The following ERC1 variants were observed in gnomAD, a reference collection of about 807,000 sequenced individuals.
ERC1 encodes ELKS/RAB6-interacting/CAST family member 1.
Under a neutral mutation model 132.0 loss-of-function variants are expected in ERC1, and 56 were observed. The observed-to-expected ratio is 0.42, with a 90% CI of 0.34 to 0.53. ERC1 has a LOEUF of 0.53. ERC1 is among the 20% of genes least tolerant of loss of function. ERC1 has a pLI of 0.03. For missense variants in ERC1, 1,202 were observed against 1,349.9 expected (o/e 0.89, Z 1.72); for synonymous variants, 478 against 476.1 (o/e 1.00, Z -0.05).
At chr12:1,154,525 C>T (rs1951185956) in intron 8 of ERC1, among the ~76,000 whole-genome samples, 1 of 151,814 alleles carries the variant, frequency 6.6e-6, no homozygotes, top group Non-Finnish European at 1.5e-5. Flanking sequence ...TGACAAGGAT[C>T]TCAAAAGCAC....
intron 17 of ERC1, among the ~76,000 whole-genome samples, chr12:1,416,120 G>A (rs2092107653): frequency 6.6e-6 from 1 of 152,180 alleles, no homozygotes; most frequent in African/African-American, 2.4e-5. Flanking sequence ...CCATGGAAGG[G>A]TGTTGAATTG....
chr12:1,372,671 C>T (rs914411276), intron 16 of ERC1, among the ~76,000 whole-genome samples: 71 of 152,218 alleles, frequency 4.7e-4, no homozygotes, highest in African/African-American at 1.6e-3. Context: ...CCTGCTTGAA[C>T]GGCAGTGCTC....
intron 8 of ERC1, among the ~76,000 whole-genome samples, chr12:1,166,473 A>C (rs868629337): frequency 4.0e-4 from 61 of 152,332 alleles, no homozygotes; most frequent in Middle Eastern, 6.8e-3. Flanking sequence ...GAAAATGGAC[A>C]AATACAGAAG....
chr12:1,352,132 G>T (rs1479419916), intron 15 of ERC1, among the ~76,000 whole-genome samples: 1 of 152,068 alleles, frequency 6.6e-6, no homozygotes, highest in Non-Finnish European at 1.5e-5. Context: ...AGGACTCTTA[G>T]AGCTCACCAG....
At position 1,105,204 on chromosome 12, in the gene ERC1, C is replaced by T. The variant is rs145260858; in HGVS notation, c.1161+380C>T. Among the ~76,000 whole-genome samples, 89 of 152,152 alleles carry T rather than the reference C, an allele frequency of 5.8e-4. 1 individual carries two copies. In the East Asian group the frequency reaches 0.014, roughly 24 times the overall value. ...TTTCTTTCAAGTAAAAATAGTGTTC[C>T]GTGAAGAAAATACTGAATTCAGTTT... On this transcript the variant is annotated intron_variant, in intron 4 of 18. Transcript: ENST00000360905.
Position 1,189,937 on chromosome 12 carries a change from A to G in ERC1, c.2236A>G (p.Arg746Gly). 1.2e-6 allele frequency: 2 copies of G among 1,614,140 alleles called. No homozygotes were observed. Among genetic ancestry groups the G allele is most frequent in the African/African-American group, 1.3e-5 (1 of 75,070 alleles). The change falls in exon 12 of 19, where the codon AGG becomes GGG. Residue 746 changes from arginine (R) to glycine (G), a missense_variant. Physicochemically the swap from Arg to Gly is moderately radical, Grantham distance 125. Coordinates refer to ENST00000360905, the MANE Select transcript of ERC1 (RefSeq NM_178040.4). ...RIQHLEREITRYKDESSKAQA... is the reference protein window; with the variant it reads ...RIQHLEREITGYKDESSKAQA... ...ACAGCACTTGGAGAGAGAGATCACCAGGTACAAAGATGAATCTAGCAAGGC... is the reference window on the plus strand; with the variant it reads ...ACAGCACTTGGAGAGAGAGATCACCGGGTACAAAGATGAATCTAGCAAGGC...
chr12:1,333,675 C>G (rs996409683), intron 15 of ERC1, among the ~76,000 whole-genome samples: 5 of 152,198 alleles, frequency 3.3e-5, no homozygotes, highest in African/African-American at 7.2e-5. Flanking sequence ...TAGGTTGATT[C>G]TGTATCTTTG....
intron 18 of ERC1, among the ~76,000 whole-genome samples, chr12:1,447,899 C>T (rs2093343097): frequency 6.6e-6 from 1 of 152,200 alleles, no homozygotes; most frequent in African/African-American, 2.4e-5. Flanking sequence ...GACGGCCTGC[C>T]TTGGCCTCCC....
chr12:1,487,539 T>TAAAAAAA (rs77723832), intron 18 of ERC1, among the ~76,000 whole-genome samples: 1 of 130,846 alleles, frequency 7.6e-6, no homozygotes, highest in Non-Finnish European at 1.6e-5. Flanking sequence ...ACCGCACCTC[T>TAAAAAAA]AAAAAAGAAA....
intron 15 of ERC1, among the ~76,000 whole-genome samples, chr12:1,338,525 T>A (rs543113076): frequency 1.3e-5 from 2 of 152,306 alleles, no homozygotes; most frequent in South Asian, 4.1e-4. Flanking sequence ...TATTCTGCCT[T>A]CTGTTTCTGT....
At chr12:1,041,091 A>C (rs1037850125) in intron 2 of ERC1, among the ~76,000 whole-genome samples, 3 of 152,190 alleles carry the variant, frequency 2.0e-5, no homozygotes, top group African/African-American at 4.8e-5. Flanking sequence ...AATATTTGTC[A>C]TATTAGATAC....
chr12:1,151,830 C>A (rs1412832810), intron 8 of ERC1: 1 of 152,228 alleles, frequency 6.6e-6, no homozygotes, highest in Non-Finnish European at 1.5e-5. Flanking sequence ...GCAAAAAAGA[C>A]AACTTTCTGA....
intron 18 of ERC1, among the ~76,000 whole-genome samples, chr12:1,482,727 G>A (rs944947519): frequency 3.9e-5 from 6 of 152,064 alleles, no homozygotes; most frequent in Admixed American, 1.3e-4. Context: ...GATTACAGGC[G>A]TGAGCCACTG....
chr12:1,236,869 G>A lies in ERC1; in HGVS notation c.2452G>A (p.Glu818Lys). The change falls in exon 13 of 19, where the codon GAG (glutamate) becomes AAG (lysine). Residue 818 changes from glutamate (E) to lysine (K), a missense_variant. By Grantham distance (56) the Glu-to-Lys change is moderately conservative. Coordinates refer to ENST00000360905, the MANE Select transcript of ERC1 (RefSeq NM_178040.4). ...AATGTTAGAGGAGGCGCGACGACGG[G>A]AGGACAATCTCAACGACAGCTCTCA... ...AQMLEEARRREDNLNDSSQQL... is the reference protein window; with the variant it reads ...AQMLEEARRRKDNLNDSSQQL... The A allele has an allele frequency of 6.2e-7, 1 of 1,614,164 alleles. No individual in the cohort carries two copies. The highest frequency in any genetic ancestry group is 8.5e-7 in the Non-Finnish European group (1 of 1,179,994).
chr12:1,397,875 A>G (rs1034254026), intron 16 of ERC1, among the ~76,000 whole-genome samples: 7 of 151,810 alleles, frequency 4.6e-5, no homozygotes, highest in African/African-American at 1.5e-4. Flanking sequence ...AAATGAATCT[A>G]ATTATATATT....
intron 3 of ERC1, among the ~76,000 whole-genome samples, chr12:1,092,288 C>T (rs531240954): frequency 1.6e-4 from 24 of 152,306 alleles, no homozygotes; most frequent in East Asian, 5.8e-4. Flanking sequence ...TGAGCCACCG[C>T]GCCCGGCCCA....
chr12:1,422,679 T>G (rs941586262), intron 17 of ERC1, among the ~76,000 whole-genome samples: 5 of 152,204 alleles, frequency 3.3e-5, no homozygotes, highest in Admixed American at 3.3e-4. Context: ...GTGATCTCTT[T>G]GATTACTGAT....
intron 15 of ERC1, among the ~76,000 whole-genome samples, chr12:1,341,937 G>T (rs2083940854): frequency 6.6e-6 from 1 of 152,086 alleles, no homozygotes. Flanking sequence ...AGAAAAATAA[G>T]AATTTCTTTT....
intron 15 of ERC1, among the ~76,000 whole-genome samples, chr12:1,325,469 A>G (rs1288604104): frequency 2.0e-5 from 3 of 152,200 alleles, no homozygotes; most frequent in African/African-American, 4.8e-5. Flanking sequence ...TCTCTGCTGT[A>G]AGAAAACAGT....
Sources: allele counts gnomAD v4.1 joint callset (sites outside exome capture counted in the v4.1 genomes callset), GRCh38; gene constraint gnomAD v4.1.1; transcripts MANE v1.5; gene names NCBI Gene and HGNC (gene_info 2026-07-23, HGNC 2026-07-21).